Variants in MVB12B observed in about 807,000 individuals in gnomAD.
MVB12B encodes ESCRT-I complex subunit MVB12B.
Under a neutral mutation model 41.6 loss-of-function variants are expected in MVB12B, and 16 were observed. The observed-to-expected ratio is 0.38, with a 90% confidence interval of 0.26 to 0.58. The LOEUF (loss-of-function observed/expected upper bound fraction) is 0.58, where lower values mean the gene tolerates loss of function less well. Ranked by LOEUF, MVB12B falls within the 20% of genes least tolerant of loss-of-function variation. The pLI, the probability that MVB12B is intolerant of heterozygous loss-of-function variation, is 0.62. For missense variants in MVB12B, 274 were observed against 380.2 expected (o/e 0.72, Z 2.32); for synonymous variants, 133 against 139.7 (o/e 0.95, Z 0.34).
intron 2 of MVB12B, among the ~76,000 whole-genome samples, chr9:126,378,429 C>G (rs141541543): frequency 1.3e-5 from 2 of 152,130 alleles, no homozygotes; most frequent in Admixed American, 1.3e-4. Flanking sequence ...AGAAATGCCC[C>G]CCTTGTTCCA....
chr9:126,396,390 G>C (rs1277182857), intron 6 of MVB12B: 1 of 985,382 alleles, frequency 1.0e-6, no homozygotes, highest in Non-Finnish European at 1.2e-6. Context: ...GATTAAGCTT[G>C]AGAAAGGGAT....
chr9:126,384,523 A>G (rs1399399308), intron 3 of MVB12B, among the ~76,000 whole-genome samples: 2 of 151,644 alleles, frequency 1.3e-5, no homozygotes, highest in Admixed American at 1.3e-4. Flanking sequence ...AACTTGATAT[A>G]TGTGTGTGTG....
chr9:126,496,167 C>A (rs1833824055), intron 9 of MVB12B, among the ~76,000 whole-genome samples: 1 of 151,442 alleles, frequency 6.6e-6, no homozygotes, highest in Admixed American at 6.6e-5. Flanking sequence ...TGTGTCTCTT[C>A]ACTCACCATC....
intron 7 of MVB12B, chr9:126,448,454 A>G (rs969443930): frequency 6.6e-6 from 1 of 152,144 alleles, no homozygotes; most frequent in Non-Finnish European, 1.5e-5. Flanking sequence ...CAGTTAATTC[A>G]CTTTTTAAAA....
chr9:126,423,845 T>G (rs1474895972), intron 7 of MVB12B, among the ~76,000 whole-genome samples: 3 of 152,256 alleles, frequency 2.0e-5, no homozygotes, highest in Non-Finnish European at 4.4e-5. Flanking sequence ...TATTTGGCAC[T>G]GAGTGGCCTA....
intron 9 of MVB12B, among the ~76,000 whole-genome samples, chr9:126,493,407 T>A (rs1055912710): frequency 1.3e-5 from 2 of 152,218 alleles, no homozygotes; most frequent in African/African-American, 2.4e-5. Flanking sequence ...TATTCTATTT[T>A]TATATTAGTA....
intron 7 of MVB12B, among the ~76,000 whole-genome samples, chr9:126,457,325 G>A (rs976410147): frequency 6.6e-6 from 1 of 152,120 alleles, no homozygotes; most frequent in Non-Finnish European, 1.5e-5. Context: ...TACTGCTTTT[G>A]CAGGAGAAAA....
At chr9:126,443,374 G>A (rs1208677609) in intron 7 of MVB12B, among the ~76,000 whole-genome samples, 1 of 152,142 alleles carries the variant, frequency 6.6e-6, no homozygotes, top group African/African-American at 2.4e-5. Flanking sequence ...CCTCAGGGTA[G>A]GAGGGACTGA....
chr9:126,385,324 CAAAT>C (rs1430883329), intron 3 of MVB12B, among the ~76,000 whole-genome samples: 3 of 152,108 alleles, frequency 2.0e-5, no homozygotes, highest in African/African-American at 7.2e-5. Context: ...AGATATTAAA[CAAAT>C]AACCCCATAA....
rs775645434 is a variant in MVB12B, at chr9:126,381,174, A to G, written c.312+3A>G. 2 of 1,599,920 alleles carry G rather than the reference A, an allele frequency of 1.3e-6. No individual in the cohort carries two copies. The highest frequency in any genetic ancestry group is 3.3e-5 in the Admixed American group (2 of 60,008). On this transcript the variant is annotated splice_donor_region_variant and intron_variant, in intron 3 of 9. Transcript: ENST00000361171. ...CAAGATCATTTTCCAAAGAAAATGT[A>G]AGTCTAGTCGTAGTTTCCATTTGCT...
At chr9:126,445,944 T>C (rs964624595) in intron 7 of MVB12B, among the ~76,000 whole-genome samples, 5 of 152,240 alleles carry the variant, frequency 3.3e-5, no homozygotes, top group Admixed American at 2.0e-4. Flanking sequence ...ATAACATTTA[T>C]ACACCATTGG....
chr9:126,483,861 GAA>G (rs1424236333), intron 8 of MVB12B, 110 bp from the exon 9 acceptor site: 3 of 1,113,788 alleles, frequency 2.7e-6, no homozygotes, highest in Non-Finnish European at 4.0e-6. Context: ...AGTGGGTAGA[GAA>G]ACGCTAGATC....
chr9:126,432,737 G>A (rs1218369261), intron 7 of MVB12B, among the ~76,000 whole-genome samples: 1 of 152,200 alleles, frequency 6.6e-6, no homozygotes, highest in Non-Finnish European at 1.5e-5. Flanking sequence ...CTGAGATTCA[G>A]ACCCAGGTCT....
chr9:126,475,023 TTGAC>T (rs1833393150), intron 7 of MVB12B, among the ~76,000 whole-genome samples: 1 of 152,206 alleles, frequency 6.6e-6, no homozygotes, highest in Non-Finnish European at 1.5e-5. Context: ...GATCACGTCA[TTGAC>T]TTACTCACCT....
chr9:126,379,386 C>A (rs971332231), intron 2 of MVB12B, among the ~76,000 whole-genome samples: 28 of 151,894 alleles, frequency 1.8e-4, no homozygotes, highest in African/African-American at 6.3e-4. Flanking sequence ...TGGGAGAAAA[C>A]AAGCATAGGG....
chr9:126,464,272 T>G (rs1478888154), intron 7 of MVB12B, among the ~76,000 whole-genome samples: 3 of 152,080 alleles, frequency 2.0e-5, no homozygotes, highest in Non-Finnish European at 4.4e-5. Context: ...AGCAGGTATA[T>G]AGGAAAGGAC....
Position 126,367,171 on chromosome 9 carries a change from C to G in MVB12B, c.205-13893C>G, listed in dbSNP as rs1830205196. Among the ~76,000 whole-genome samples the G allele has an allele frequency of 6.6e-6, 1 of 152,132 alleles. No homozygotes were observed. Among genetic ancestry groups the G allele is most frequent in the Admixed American group, 6.5e-5 (1 of 15,274 alleles). On this transcript the variant is annotated intron_variant, in intron 2 of 9. Coordinates refer to ENST00000361171, the MANE Select transcript of MVB12B (RefSeq NM_033446.3). This position sits in a 1 kb window ranked among gnomAD's most constrained non-coding sequence, Gnocchi z 4.3. ...AGTTTCTTCTAAGCAGTCTCTGGTG[C>G]CTCCCATCTCGACTCCAGGTTTCTC...
At position 126,396,999 on chromosome 9, in the gene MVB12B, G is replaced by A. The variant is rs866278734; in HGVS notation, c.662+1302G>A. 188 of 985,566 alleles carry A rather than the reference G, an allele frequency of 1.9e-4. 1 individual carries two copies. In the Middle Eastern group the frequency reaches 3.1e-3, roughly 16 times the overall value. The allele number at this position is 985,566 out of a possible 1,614,324, so 61.1% of individuals were successfully genotyped here. On this transcript the variant is annotated intron_variant, in intron 6 of 9. Transcript: ENST00000361171. ...GAGGGTCACTGTCTCCTGTGCTCAA[G>A]GCTATATCAGGTGTGTCACCTGTGC...
At chr9:126,479,780 TTTC>T (rs1195084986) in intron 7 of MVB12B, among the ~76,000 whole-genome samples, 2 of 152,226 alleles carry the variant, frequency 1.3e-5, no homozygotes, top group African/African-American at 4.8e-5. Flanking sequence ...GCTGTGTCTT[TTTC>T]TTCATGCTGA....
Sources: allele counts gnomAD v4.1 joint callset (sites outside exome capture counted in the v4.1 genomes callset), GRCh38; gene constraint gnomAD v4.1.1; non-coding constraint Gnocchi (gnomAD v3.1); transcripts MANE v1.5; gene names NCBI Gene and HGNC (gene_info 2026-07-23, HGNC 2026-07-21).